Variants in BNC2 observed in about 807,000 individuals in gnomAD.
BNC2 encodes zinc finger protein basonuclin-2.
Under a neutral mutation model 76.3 loss-of-function variants are expected in BNC2, and 20 were observed. The ratio of observed to expected loss-of-function variants is 0.26; its 90% CI spans 0.18 to 0.38. The LOEUF is 0.38. Among genes scored for constraint, BNC2 ranks in the 10% least tolerant of loss-of-function variants. The pLI, the probability that BNC2 is intolerant of heterozygous loss-of-function variation, is 1.00. For missense variants in BNC2, 1,382 were observed against 1,399.8 expected, an observed-to-expected ratio of 0.99 and a Z score of 0.20; for synonymous variants, 582 against 514.8, an observed-to-expected ratio of 1.13 and a Z score of -1.77.
At chr9:16,639,101 T>C (rs1821412373) in intron 3 of BNC2, among the ~76,000 whole-genome samples, 1 of 152,170 alleles carries the variant, frequency 6.6e-6, no homozygotes, top group South Asian at 2.1e-4. Context: ...AACTTTTCCT[T>C]AATGTGAACT....
intron 5 of BNC2, among the ~76,000 whole-genome samples, chr9:16,523,229 T>C (rs968312390): frequency 9.9e-5 from 15 of 151,140 alleles, no homozygotes; most frequent in Non-Finnish European, 1.9e-4. Context: ...CCCAGCACTT[T>C]GGGAGGCCGA....
intron 1 of BNC2, among the ~76,000 whole-genome samples, chr9:16,772,799 G>T (rs2135472490): frequency 6.6e-6 from 1 of 152,272 alleles, no homozygotes; most frequent in African/African-American, 2.4e-5. Flanking sequence ...CTGGATCTTA[G>T]GTAGGAGTTA....
chr9:16,705,990 C>A (rs1204264686), intron 3 of BNC2, among the ~76,000 whole-genome samples: 1 of 152,136 alleles, frequency 6.6e-6, no homozygotes, highest in African/African-American at 2.4e-5. Flanking sequence ...ATTGCTTGTG[C>A]AGAGAGTTCT....
rs758543328 is a variant in BNC2, at chr9:16,506,508, CTCCTCTTTTTTTTTTTTT to C, written c.669+46004_669+46021del. Among the ~76,000 whole-genome samples, 50 of 127,200 alleles carry C rather than the reference CTCCTCTTTTTTTTTTTTT, an allele frequency of 3.9e-4. 1 individual carries two copies. Among genetic ancestry groups the C allele is most frequent in the South Asian group, 3.7e-3 (14 of 3,736 alleles). The allele number at this position is 127,200 out of a possible 152,430, so 83.4% of individuals were successfully genotyped here. A position where few individuals can be genotyped will look rare whatever the true frequency, so the allele number is the denominator to read the frequency against. ...ATAAAGTACACTTCTCTCTCTCTCT[CTCCTCTTTTTTTTTTTTT>C]TTTTTTTTTTTTTTTTTTGACGGAA... On this transcript the variant is annotated intron_variant, in intron 5 of 6. Coordinates refer to ENST00000380672, the MANE Select transcript of BNC2 (RefSeq NM_017637.6).
intron 1 of BNC2, among the ~76,000 whole-genome samples, chr9:16,805,016 C>A (rs189930622): frequency 9.9e-5 from 15 of 152,106 alleles, no homozygotes; most frequent in South Asian, 4.2e-4. Flanking sequence ...GAGCCGAGAC[C>A]ACGCCATTGC....
At chr9:16,686,566 T>C (rs1036751072) in intron 3 of BNC2, among the ~76,000 whole-genome samples, 2 of 152,224 alleles carry the variant, frequency 1.3e-5, no homozygotes, top group Non-Finnish European at 2.9e-5. Flanking sequence ...CACCTTTGTC[T>C]TCTTTCCCTA....
At chr9:16,632,428 GA>G (rs35423419) in intron 3 of BNC2, among the ~76,000 whole-genome samples, 76,740 of 148,308 alleles carry the variant, frequency 0.52, 21,440 homozygotes, top group African/African-American at 0.76. Context: ...ACTAAAACGG[GA>G]AAAAAAAAAA....
rs1018788478 is a variant in BNC2, at chr9:16,416,332, C to T, written c.*2657G>A. ...TTGTTGGGATATTAAAAATCTTTTC[C>T]CACCCTTTTTGAATCTAACCATTTG... On this transcript the variant is annotated 3_prime_UTR_variant, in exon 7 of 7. Transcript: ENST00000380672. The T allele has an allele frequency of 6.6e-6, 1 of 152,496 alleles. No individual in the cohort carries two copies. The highest frequency in any genetic ancestry group is 2.4e-5 in the African/African-American group (1 of 41,406). 9.4% of individuals were successfully genotyped at this position (152,496 alleles called of 1,614,324 possible). A position where few individuals can be genotyped will look rare whatever the true frequency, so the allele number is the denominator to read the frequency against.
At chr9:16,447,606 G>C (rs531672296) in intron 5 of BNC2, among the ~76,000 whole-genome samples, 1 of 152,136 alleles carries the variant, frequency 6.6e-6, no homozygotes, top group South Asian at 2.1e-4. Flanking sequence ...GCTTGTCAGT[G>C]ATGTGATTAC....
chr9:16,440,044 G>A (rs1015120429), intron 5 of BNC2, among the ~76,000 whole-genome samples: 10 of 152,204 alleles, frequency 6.6e-5, no homozygotes, highest in African/African-American at 2.2e-4. Flanking sequence ...TTTTGGAACA[G>A]GGGTAACATG....
At chr9:16,542,548 A>C (rs1407067875) in intron 5 of BNC2, among the ~76,000 whole-genome samples, 1 of 152,234 alleles carries the variant, frequency 6.6e-6, no homozygotes, top group East Asian at 1.9e-4. Flanking sequence ...CCACATCTTT[A>C]AAATCTAAGG....
intron 1 of BNC2, among the ~76,000 whole-genome samples, chr9:16,755,465 A>C (rs922244563): frequency 6.6e-6 from 1 of 152,188 alleles, no homozygotes; most frequent in Non-Finnish European, 1.5e-5. Flanking sequence ...AGTGTCGACC[A>C]CTGCTGCGCT....
chr9:16,830,497 G>A (rs1451690917), intron 1 of BNC2, among the ~76,000 whole-genome samples: 1 of 152,194 alleles, frequency 6.6e-6, no homozygotes, highest in Non-Finnish European at 1.5e-5. Context: ...GTAATGACAA[G>A]AAAATATTCT....
intron 5 of BNC2, among the ~76,000 whole-genome samples, chr9:16,462,803 C>A (rs1821614632): frequency 6.6e-6 from 1 of 152,102 alleles, no homozygotes; most frequent in Non-Finnish European, 1.5e-5. Context: ...CTCCCTCTTT[C>A]TGTTCTTTGT....
At chr9:16,752,454 G>C (rs899641115) in intron 1 of BNC2, among the ~76,000 whole-genome samples, 1 of 152,184 alleles carries the variant, frequency 6.6e-6, no homozygotes, top group Non-Finnish European at 1.5e-5. Flanking sequence ...TAAGTCAAAT[G>C]AGACGTTTCA....
intron 5 of BNC2, among the ~76,000 whole-genome samples, chr9:16,470,060 T>C (rs1027093677): frequency 1.0e-4 from 15 of 147,590 alleles, no homozygotes; most frequent in African/African-American, 3.3e-4. Flanking sequence ...TGCAGTGGCA[T>C]GATCTTGGCT....
chr9:16,870,325 T>TCC, intron 1 of BNC2, among the ~76,000 whole-genome samples: 1 of 145,564 alleles, frequency 6.9e-6, no homozygotes, highest in Admixed American at 6.8e-5. Context: ...CCCTGGAGCC[T>TCC]CCCCTAGCCA....
At chr9:16,430,390 A>G (rs1193613273) in intron 6 of BNC2, among the ~76,000 whole-genome samples, 1 of 152,176 alleles carries the variant, frequency 6.6e-6, no homozygotes, top group African/African-American at 2.4e-5. Flanking sequence ...ATTAGGGCAA[A>G]TATACTAATA....
intron 4 of BNC2, among the ~76,000 whole-genome samples, chr9:16,562,946 A>C (rs1163491526): frequency 7.2e-5 from 11 of 152,326 alleles, no homozygotes; most frequent in Non-Finnish European, 1.6e-4. Flanking sequence ...ACCACATTTT[A>C]TTCTGGACTG....
Sources: allele counts gnomAD v4.1 joint callset (sites outside exome capture counted in the v4.1 genomes callset), GRCh38; gene constraint gnomAD v4.1.1; transcripts MANE v1.5; gene names NCBI Gene and HGNC (gene_info 2026-07-23, HGNC 2026-07-21).